ACTR3C: variants seen among roughly 807,000 people sequenced by gnomAD.
ACTR3C encodes actin related protein 3C.
Under a neutral mutation model 26.3 loss-of-function variants are expected in ACTR3C, and 18 were observed. That is an observed-to-expected ratio of 0.68 (90% CI 0.47 to 1.01). The LOEUF is 1.01. Among genes scored for constraint, ACTR3C ranks in the 50% least tolerant of loss-of-function variants. ACTR3C has a pLI of 0.00. For missense variants in ACTR3C, 184 were observed against 250.7 expected, an observed-to-expected ratio of 0.73 and a Z score of 1.80; for synonymous variants, 55 against 94.5, an observed-to-expected ratio of 0.58 and a Z score of 2.42.
At chr7:150,070,957 A>C in the ACTR3C span, among the ~76,000 whole-genome samples, 1 of 118,702 alleles carries the variant, frequency 8.4e-6, no homozygotes, top group South Asian at 2.8e-4. Context: ...ACCATGCCCA[A>C]CTAATTTTTT....
the ACTR3C span, among the ~76,000 whole-genome samples, chr7:150,035,998 G>A: frequency 1.8e-4 from 24 of 133,318 alleles, 4 homozygotes; most frequent in Admixed American, 5.6e-4. Context: ...CTCGCGGGGG[G>A]TGCCTCCGCC....
intron 1 of ACTR3C, among the ~76,000 whole-genome samples, chr7:150,321,988 A>C (rs1026661354): frequency 1.3e-5 from 2 of 152,236 alleles, no homozygotes; most frequent in African/African-American, 4.8e-5. Context: ...AAAGAAGTTC[A>C]AGGTAGCCAG....
At chr7:149,953,716 T>C in the ACTR3C span, among the ~76,000 whole-genome samples, 1 of 151,890 alleles carries the variant, frequency 6.6e-6, no homozygotes, top group Non-Finnish European at 1.5e-5. Flanking sequence ...CTTTCAGGAC[T>C]CATAATACAA....
At chr7:150,002,822 G>C in the ACTR3C span, 3 of 152,176 alleles carry the variant, frequency 2.0e-5, no homozygotes, top group Non-Finnish European at 4.4e-5. Context: ...TTCTATGCCA[G>C]CAGGAATTAA....
chr7:150,108,988 G>T, the ACTR3C span, among the ~76,000 whole-genome samples: 3 of 151,404 alleles, frequency 2.0e-5, no homozygotes, highest in Non-Finnish European at 2.9e-5. Flanking sequence ...TCTAATGGAC[G>T]GTGAATTACT....
the ACTR3C span, among the ~76,000 whole-genome samples, chr7:150,016,543 A>G: frequency 1.3e-5 from 2 of 152,044 alleles, no homozygotes; most frequent in African/African-American, 2.4e-5. Flanking sequence ...TTCATCCATC[A>G]AGACGGGTAT....
chr7:150,139,705 C>T, the ACTR3C span, among the ~76,000 whole-genome samples: 88 of 152,344 alleles, frequency 5.8e-4, no homozygotes, highest in African/African-American at 2.0e-3. Flanking sequence ...TTCCAGCTTC[C>T]TCATTAACAT....
chr7:150,272,518 G>A (rs1457708264), intron 6 of ACTR3C, among the ~76,000 whole-genome samples: 1 of 138,924 alleles, frequency 7.2e-6, no homozygotes, highest in Non-Finnish European at 1.5e-5. Context: ...ACCTATGCTT[G>A]TTTCACCTTC....
chr7:150,102,889 TATAAC>T, the ACTR3C span, among the ~76,000 whole-genome samples: 2 of 152,128 alleles, frequency 1.3e-5, no homozygotes, highest in African/African-American at 4.8e-5. Context: ...TGTAGCCTGC[TATAAC>T]CCCAGCACCC....
At chr7:150,292,461 G>A (rs1836344307) in intron 3 of ACTR3C, among the ~76,000 whole-genome samples, 1 of 151,336 alleles carries the variant, frequency 6.6e-6, no homozygotes, top group African/African-American at 2.4e-5. Flanking sequence ...AGAGCCTTCT[G>A]CAAGCCAAAA....
chr7:150,042,431 CCT>C, the ACTR3C span, among the ~76,000 whole-genome samples: 1 of 149,224 alleles, frequency 6.7e-6, no homozygotes, highest in African/African-American at 2.5e-5. Flanking sequence ...AGGGGTGCCT[CCT>C]CCCCTGTGAT....
At chr7:150,047,019 T>C in the ACTR3C span, among the ~76,000 whole-genome samples, 1 of 151,956 alleles carries the variant, frequency 6.6e-6, no homozygotes, top group African/African-American at 2.4e-5. Flanking sequence ...ATGCCAGTAT[T>C]TTGGTATTTT....
intron 6 of ACTR3C, among the ~76,000 whole-genome samples, chr7:150,256,120 A>G (rs1032282986): frequency 6.6e-6 from 1 of 152,222 alleles, no homozygotes; most frequent in Non-Finnish European, 1.5e-5. Context: ...TTTTTATGAC[A>G]GTGTAGTATT....
At chr7:150,022,044 A>G in the ACTR3C span, among the ~76,000 whole-genome samples, 1 of 151,750 alleles carries the variant, frequency 6.6e-6, no homozygotes, top group Non-Finnish European at 1.5e-5. Flanking sequence ...GAATCTCCAC[A>G]CTGTTTTCCA....
At chr7:150,267,721 T>A (rs1834146531) in intron 6 of ACTR3C, among the ~76,000 whole-genome samples, 2 of 152,170 alleles carry the variant, frequency 1.3e-5, no homozygotes, top group African/African-American at 2.4e-5. Flanking sequence ...CATCTACAGT[T>A]TCAACCATCC....
chr7:149,939,213 C>T, the ACTR3C span, among the ~76,000 whole-genome samples: 1 of 152,124 alleles, frequency 6.6e-6, no homozygotes, highest in African/African-American at 2.4e-5. Flanking sequence ...CTCCCGACCT[C>T]AGGTGATTCA....
chr7:150,251,259 C>T (rs1045107345), intron 6 of ACTR3C, among the ~76,000 whole-genome samples: 2 of 152,076 alleles, frequency 1.3e-5, no homozygotes, highest in South Asian at 2.1e-4. Context: ...ATATCTTACT[C>T]GTGTTCAACA....
the ACTR3C span, among the ~76,000 whole-genome samples, chr7:150,063,412 A>C: frequency 6.6e-6 from 1 of 151,408 alleles, no homozygotes; most frequent in Non-Finnish European, 1.5e-5. Context: ...CAATGGGGAA[A>C]GTAAGTTCAT....
chr7:150,192,426 T>C, the ACTR3C span, among the ~76,000 whole-genome samples: 3 of 152,124 alleles, frequency 2.0e-5, no homozygotes, highest in Admixed American at 1.3e-4. Context: ...CAAGGGATCC[T>C]AAGTAGCTAC....
Sources: allele counts gnomAD v4.1 joint callset (sites outside exome capture counted in the v4.1 genomes callset), GRCh38; gene constraint gnomAD v4.1.1; transcripts MANE v1.5; gene names NCBI Gene and HGNC (gene_info 2026-07-23, HGNC 2026-07-21).